Variants in LOC128092252 observed in about 807,000 individuals in gnomAD.
At chr15:50,665,845 T>C in the LOC128092252 span, among the ~76,000 whole-genome samples, 1 of 151,854 alleles carries the variant, frequency 6.6e-6, no homozygotes, top group Admixed American at 6.6e-5. Flanking sequence ...ATACAAAAAT[T>C]AGCAGAGTGT....
the LOC128092252 span, among the ~76,000 whole-genome samples, chr15:50,650,192 C>CAAAA: frequency 6.4e-3 from 396 of 62,280 alleles, 14 homozygotes; most frequent in Non-Finnish European, 8.6e-3. Flanking sequence ...GACTTTGTCT[C>CAAAA]AAAAAAAAAA....
the LOC128092252 span, among the ~76,000 whole-genome samples, chr15:50,658,542 A>G: frequency 6.6e-6 from 1 of 151,390 alleles, no homozygotes; most frequent in Non-Finnish European, 1.5e-5. Context: ...ACTGCACTCC[A>G]GCCTGGGCGA....
chr15:50,658,856 C>A, the LOC128092252 span, among the ~76,000 whole-genome samples: 4 of 152,170 alleles, frequency 2.6e-5, no homozygotes, highest in African/African-American at 9.7e-5. Flanking sequence ...TAAGAGATTA[C>A]TAAAACAAAT....
At chr15:50,652,127 G>C in the LOC128092252 span, among the ~76,000 whole-genome samples, 1 of 151,474 alleles carries the variant, frequency 6.6e-6, no homozygotes. Context: ...GAGGTCAGGA[G>C]TTCGAGACCA....
the LOC128092252 span, among the ~76,000 whole-genome samples, chr15:50,683,028 G>A: frequency 6.6e-6 from 1 of 151,662 alleles, no homozygotes; most frequent in African/African-American, 2.4e-5. Context: ...GACCACAGGT[G>A]CGCATCACCA....
the LOC128092252 span, among the ~76,000 whole-genome samples, chr15:50,679,538 AT>A: frequency 8.8e-3 from 387 of 43,872 alleles, 3 homozygotes; most frequent in South Asian, 0.064. Flanking sequence ...ATATATATAT[AT>A]TTTTTTTTTT....
At chr15:50,663,258 A>G in the LOC128092252 span, among the ~76,000 whole-genome samples, 1 of 152,048 alleles carries the variant, frequency 6.6e-6, no homozygotes, top group Non-Finnish European at 1.5e-5. Flanking sequence ...CCTCCCGGGT[A>G]GCTGGCAGTA....
the LOC128092252 span, among the ~76,000 whole-genome samples, chr15:50,663,890 G>A: frequency 1.3e-4 from 20 of 152,140 alleles, no homozygotes; most frequent in African/African-American, 4.3e-4. Flanking sequence ...CTAAGCCGAG[G>A]AGGCTGAGGA....
the LOC128092252 span, among the ~76,000 whole-genome samples, chr15:50,652,032 T>C: frequency 6.6e-6 from 1 of 150,692 alleles, no homozygotes; most frequent in Non-Finnish European, 1.5e-5. Flanking sequence ...AGAAAAGATA[T>C]GATAAAGAAA....
chr15:50,668,383 TATTAACA>T, the LOC128092252 span, among the ~76,000 whole-genome samples: 1 of 152,238 alleles, frequency 6.6e-6, no homozygotes, highest in African/African-American at 2.4e-5. Context: ...TATTGACAGC[TATTAACA>T]ATTGAGTAAA....
chr15:50,681,365 T>C, the LOC128092252 span, among the ~76,000 whole-genome samples: 1 of 152,052 alleles, frequency 6.6e-6, no homozygotes, highest in African/African-American at 2.4e-5. Context: ...TAAAGCCTAT[T>C]ACACACTTCT....
chr15:50,684,262 C>G, the LOC128092252 span, among the ~76,000 whole-genome samples: 4 of 151,552 alleles, frequency 2.6e-5, no homozygotes, highest in South Asian at 8.5e-4. Flanking sequence ...AAGCGATTCT[C>G]CTGCCTTAGC....
At chr15:50,672,862 G>C in the LOC128092252 span, among the ~76,000 whole-genome samples, 1 of 117,156 alleles carries the variant, frequency 8.5e-6, no homozygotes, top group Non-Finnish European at 1.6e-5. Flanking sequence ...GTGAGCCACT[G>C]CACTCCAGCC....
At chr15:50,657,754 T>C in the LOC128092252 span, 22 of 1,603,720 alleles carry the variant, frequency 1.4e-5, no homozygotes, top group African/African-American at 1.9e-4. Flanking sequence ...TTCCGAAATT[T>C]GTGCGGTATA....
chr15:50,668,504 GTTTTTGT>G, the LOC128092252 span, among the ~76,000 whole-genome samples: 7 of 152,026 alleles, frequency 4.6e-5, no homozygotes, highest in African/African-American at 1.4e-4. Context: ...CAATAGATTT[GTTTTTGT>G]TTTTTGTTTT....
At chr15:50,684,068 T>C in the LOC128092252 span, among the ~76,000 whole-genome samples, 1 of 151,916 alleles carries the variant, frequency 6.6e-6, no homozygotes, top group Non-Finnish European at 1.5e-5. Context: ...GCCAGGCTAG[T>C]TTTGAACTCC....
the LOC128092252 span, among the ~76,000 whole-genome samples, chr15:50,680,880 T>C: frequency 6.6e-6 from 1 of 152,218 alleles, no homozygotes; most frequent in Non-Finnish European, 1.5e-5. Context: ...CGTTGGCAAG[T>C]GATTTTTGAT....
At chr15:50,670,593 T>A in the LOC128092252 span, among the ~76,000 whole-genome samples, 1 of 151,986 alleles carries the variant, frequency 6.6e-6, no homozygotes, top group Non-Finnish European at 1.5e-5. Flanking sequence ...CCTATATAGT[T>A]TAAAAAGAGG....
the LOC128092252 span, among the ~76,000 whole-genome samples, chr15:50,650,269 G>T: frequency 6.8e-6 from 1 of 146,410 alleles, no homozygotes; most frequent in East Asian, 2.0e-4. Flanking sequence ...AGCAATAGCC[G>T]AAACAATTTC....
Sources: allele counts gnomAD v4.1 joint callset (sites outside exome capture counted in the v4.1 genomes callset), GRCh38; gene constraint gnomAD v4.1.1; transcripts MANE v1.5.